Variants in SLC14A2 observed in about 807,000 individuals in gnomAD.
SLC14A2 encodes the protein solute carrier family 14 member 2, also known as urea transporter 2.
Under a neutral mutation model 104.6 loss-of-function variants are expected in SLC14A2, and 91 were observed. The ratio of observed to expected loss-of-function variants is 0.87; its 90% CI spans 0.73 to 1.04. The LOEUF (loss-of-function observed/expected upper bound fraction) is 1.04. Ranked by LOEUF, SLC14A2 falls within the 50% of genes least tolerant of loss-of-function variation. SLC14A2 has a pLI of 0.00. For missense variants in SLC14A2, 1,189 were observed against 1,156.0 expected, an observed-to-expected ratio of 1.03 and a Z score of -0.41; for synonymous variants, 476 against 466.4, an observed-to-expected ratio of 1.02 and a Z score of -0.27.
At chr18:45,230,881 T>C (rs939873878) in intron 1 of SLC14A2, among the ~76,000 whole-genome samples, 1 of 152,198 alleles carries the variant, frequency 6.6e-6, no homozygotes, top group South Asian at 2.1e-4. Context: ...TTGTACAAAT[T>C]ATTGGAATGA....
At chr18:45,469,449 T>C (rs558629519) in intron 1 of SLC14A2, among the ~76,000 whole-genome samples, 4 of 152,274 alleles carry the variant, frequency 2.6e-5, no homozygotes, top group South Asian at 2.1e-4. Context: ...AGCTCAGGGA[T>C]ACAGGGGTGA....
At chr18:45,416,720 C>G (rs2086281735) in intron 1 of SLC14A2, among the ~76,000 whole-genome samples, 2 of 152,132 alleles carry the variant, frequency 1.3e-5, no homozygotes, top group Admixed American at 1.3e-4. Context: ...GGGTATTTAA[C>G]TACCGTATTA....
In SLC14A2 at chr18:45,590,923, C is replaced by T. The variant is rs138719536; in HGVS notation, c.-34-33708C>T. 2.8e-3 allele frequency among the ~76,000 whole-genome samples: 423 copies of T among 152,292 alleles called. 3 individuals are homozygous for T. The highest frequency in any genetic ancestry group is 9.6e-3 in the African/African-American group (398 of 41,552). ...TGCAGATGACAAAATTGAGGCAAGT[C>T]GCCCAATGTCTCACAACAGACTAAG... On this transcript the variant is annotated intron_variant, in intron 2 of 20. Transcript: ENST00000586448.
chr18:45,622,247 A>T (rs1363039579), intron 1 of SLC14A2, among the ~76,000 whole-genome samples: 1 of 152,218 alleles, frequency 6.6e-6, no homozygotes, highest in Non-Finnish European at 1.5e-5. Context: ...GGTGACCATG[A>T]ACGTGAAGGC....
intron 1 of SLC14A2, among the ~76,000 whole-genome samples, chr18:45,224,441 G>C (rs1484398131): frequency 6.6e-6 from 1 of 152,186 alleles, no homozygotes; most frequent in Non-Finnish European, 1.5e-5. Context: ...AGGGCAGATG[G>C]GTGAGATGAT....
rs186882963 is a variant in SLC14A2, at chr18:45,535,292, A to G, written c.-35+51970A>G. On this transcript the variant is annotated intron_variant, in intron 2 of 20. Transcript: ENST00000586448. ...TTACGTACCTCCATCATTTCTGACA[A>G]CTTTTCCAACTTGAGCTGAATGTGA... 5.2e-3 allele frequency among the ~76,000 whole-genome samples: 790 copies of G among 152,300 alleles called. 7 individuals are homozygous for G. Among genetic ancestry groups the G allele is most frequent in the African/African-American group, 0.018 (752 of 41,546 alleles).
At chr18:45,651,929 G>T (rs1480940456) in intron 10 of SLC14A2, among the ~76,000 whole-genome samples, 2 of 152,182 alleles carry the variant, frequency 1.3e-5, no homozygotes, top group Non-Finnish European at 2.9e-5. Flanking sequence ...CCTTGGCATT[G>T]ACTTTCTCCT....
At chr18:45,222,390 A>T (rs1486745250) in intron 1 of SLC14A2, among the ~76,000 whole-genome samples, 1 of 152,208 alleles carries the variant, frequency 6.6e-6, no homozygotes, top group Non-Finnish European at 1.5e-5. Context: ...CAGACTAATC[A>T]TCAGGGCTTA....
At chr18:45,631,537 G>C (rs79370336) in intron 4 of SLC14A2, among the ~76,000 whole-genome samples, 143 of 152,390 alleles carry the variant, frequency 9.4e-4, no homozygotes, top group African/African-American at 3.4e-3. Context: ...TCACCAAGGG[G>C]CACCTGGGAA....
chr18:45,226,386 A>G (rs529066172), intron 1 of SLC14A2, among the ~76,000 whole-genome samples: 103 of 152,290 alleles, frequency 6.8e-4, no homozygotes, highest in Non-Finnish European at 1.0e-3. Context: ...TTATTGTGGC[A>G]CTATTCACAA....
Position 45,532,354 on chromosome 18 carries a change from G to C in SLC14A2, c.-35+49032G>C, listed in dbSNP as rs145038865. Reference sequence around the variant, plus strand: ...ATGAGCATGGAATGTTCTTCCATTTGTTTGTATCCTCTTTGATTTCATTGA... The same window carrying C: ...ATGAGCATGGAATGTTCTTCCATTTCTTTGTATCCTCTTTGATTTCATTGA... On this transcript the variant is annotated intron_variant, in intron 2 of 20. Coordinates refer to the SLC14A2 transcript ENST00000586448. Among the ~76,000 whole-genome samples, 632 of 152,248 alleles carry C rather than the reference G, an allele frequency of 4.2e-3. 6 individuals are homozygous for C. Among genetic ancestry groups the C allele is most frequent in the African/African-American group, 0.015 (604 of 41,528 alleles).
intron 2 of SLC14A2, among the ~76,000 whole-genome samples, chr18:45,544,508 G>A (rs1326534549): frequency 1.3e-5 from 2 of 151,938 alleles, no homozygotes; most frequent in Non-Finnish European, 2.9e-5. Flanking sequence ...TATAAAAAAC[G>A]ACACAAAAAC....
intron 1 of SLC14A2, among the ~76,000 whole-genome samples, chr18:45,470,536 T>A (rs1193042044): frequency 1.3e-5 from 2 of 152,200 alleles, no homozygotes; most frequent in African/African-American, 4.8e-5. Flanking sequence ...CAGTTATGGT[T>A]TGTTATATTT....
At chr18:45,623,445 G>A (rs1230691889) in intron 1 of SLC14A2, among the ~76,000 whole-genome samples, 1 of 152,204 alleles carries the variant, frequency 6.6e-6, no homozygotes, top group Non-Finnish European at 1.5e-5. Context: ...CAGAGAGTCA[G>A]TAACGCAGCA....
intron 2 of SLC14A2, among the ~76,000 whole-genome samples, chr18:45,603,638 C>T (rs544137154): frequency 4.7e-4 from 71 of 152,284 alleles, no homozygotes; most frequent in African/African-American, 1.7e-3. Flanking sequence ...TTTCAACCCT[C>T]GGCTCTCATC....
chr18:45,389,804 G>A (rs2085940743), intron 1 of SLC14A2, among the ~76,000 whole-genome samples: 1 of 152,088 alleles, frequency 6.6e-6, no homozygotes, highest in Non-Finnish European at 1.5e-5. Context: ...AAATATCTGT[G>A]AATTAAATCC....
At position 45,450,714 on chromosome 18, in the gene SLC14A2, TCAA is replaced by T. The variant is rs570023284; in HGVS notation, c.-124-32515_-124-32513del. On this transcript the variant is annotated intron_variant, in intron 1 of 20. Coordinates refer to the SLC14A2 transcript ENST00000586448. The stretch of plus-strand genomic sequence containing the variant: ...CTCTGACAGTCTATTAATTATCTGA[TCAA>T]CAAGTAAATATTAACTGTAGCCTCT... 1.4e-3 allele frequency among the ~76,000 whole-genome samples: 215 copies of T among 152,352 alleles called. 2 individuals are homozygous for T. Among genetic ancestry groups the T allele is most frequent in the African/African-American group, 5.0e-3 (206 of 41,578 alleles).
rs540039415 is a variant in SLC14A2 at position 45,262,678 on chromosome 18, G to A, written c.-125+49487G>A. Among the ~76,000 whole-genome samples the A allele has an allele frequency of 2.0e-5, 3 of 152,218 alleles. No homozygotes were observed. The East Asian group carries it at 5.8e-4, about 29-fold the overall frequency. ...AATCAGAGCCTCCCACCCTGGATGG[G>A]GGAGCCACTTTGTAGTCCAGGCACA... On this transcript the variant is annotated intron_variant, in intron 1 of 20. Transcript: ENST00000586448.
In SLC14A2 at chr18:45,682,680, T is replaced by C. The variant is rs953003886; in HGVS notation, c.*161T>C. 3.1e-6 allele frequency: 2 copies of C among 637,572 alleles called. No individual in the cohort carries two copies. The highest frequency in any genetic ancestry group is 2.7e-5 in the East Asian group (1 of 36,676). 39.5% of individuals were successfully genotyped at this position (637,572 alleles called of 1,614,324 possible). ...AGTCACCATTCCAGAACCTCTCTTT[T>C]CTAAGATGCACAACACTTATCAAAG... On this transcript the variant is annotated 3_prime_UTR_variant, in exon 20 of 20. Coordinates refer to ENST00000255226, the MANE Select transcript of SLC14A2 (RefSeq NM_007163.4).
Sources: allele counts gnomAD v4.1 joint callset (sites outside exome capture counted in the v4.1 genomes callset), GRCh38; gene constraint gnomAD v4.1.1; transcripts MANE v1.5; gene names NCBI Gene and HGNC (gene_info 2026-07-23, HGNC 2026-07-21).